The following CHLSN variants were observed in gnomAD, a reference collection of about 807,000 sequenced individuals.
CHLSN encodes the protein protein cholesin.
the CHLSN span, among the ~76,000 whole-genome samples, chr7:1,016,787 A>G: frequency 6.9e-3 from 537 of 78,106 alleles, 31 homozygotes; most frequent in Admixed American, 0.011. Context: ...AGCGCACAGC[A>G]CACAGCAGCA....
At chr7:1,011,035 C>T in the CHLSN span, among the ~76,000 whole-genome samples, 1 of 151,030 alleles carries the variant, frequency 6.6e-6, no homozygotes, top group Non-Finnish European at 1.5e-5. Context: ...GTGAGGCAAG[C>T]CCCCCTACAT....
the CHLSN span, among the ~76,000 whole-genome samples, chr7:1,027,997 G>A: frequency 6.7e-6 from 1 of 148,684 alleles, no homozygotes; most frequent in East Asian, 2.0e-4. Flanking sequence ...CCGCGGCCCG[G>A]CCCTGCGCCC....
the CHLSN span, among the ~76,000 whole-genome samples, chr7:980,383 G>C: frequency 2.0e-5 from 3 of 152,218 alleles, no homozygotes; most frequent in South Asian, 6.2e-4. Flanking sequence ...AGTTCCACTT[G>C]AGCAGCCAGG....
the CHLSN span, among the ~76,000 whole-genome samples, chr7:1,123,730 C>T: frequency 2.0e-5 from 3 of 152,144 alleles, no homozygotes; most frequent in Non-Finnish European, 2.9e-5. The surrounding 1 kb of genome is among the most constrained non-coding windows in gnomAD (Gnocchi z 4.4). Flanking sequence ...CCTGAGCCCC[C>T]ACACTCCATC....
the CHLSN span, among the ~76,000 whole-genome samples, chr7:1,016,718 GCAGCACACAGCAGCACACGC>G: frequency 9.5e-5 from 9 of 94,412 alleles, no homozygotes; most frequent in East Asian, 2.6e-4. Flanking sequence ...CCAGCGCACA[GCAGCACACAGCAGCACACGC>G]CAGCGCACAG....
At chr7:1,116,593 C>A in the CHLSN span, among the ~76,000 whole-genome samples, 4 of 88,454 alleles carry the variant, frequency 4.5e-5, no homozygotes, top group Non-Finnish European at 6.8e-5. Flanking sequence ...TTCTACGGAC[C>A]GGCTTCCATC....
chr7:1,094,817 G>A, the CHLSN span, among the ~76,000 whole-genome samples: 1 of 152,200 alleles, frequency 6.6e-6, no homozygotes. Flanking sequence ...GGTGGGGCCT[G>A]TATTCTCCAT....
At chr7:1,095,768 C>T in the CHLSN span, among the ~76,000 whole-genome samples, 3 of 152,330 alleles carry the variant, frequency 2.0e-5, no homozygotes, top group East Asian at 3.9e-4. Flanking sequence ...AATTCAGCCA[C>T]GCTCTCCTGG....
At chr7:1,136,115 CATAAAT>C in the CHLSN span, among the ~76,000 whole-genome samples, 1,569 of 74,054 alleles carry the variant, frequency 0.021, 59 homozygotes, top group East Asian at 0.16. Context: ...AATATATATA[CATAAAT>C]ATATATAAAT....
chr7:1,036,309 G>C, the CHLSN span, among the ~76,000 whole-genome samples: 4 of 151,818 alleles, frequency 2.6e-5, no homozygotes, highest in African/African-American at 9.7e-5. Context: ...TCGTGCTGTG[G>C]CCGTGCAGGG....
At chr7:1,065,158 A>G in the CHLSN span, among the ~76,000 whole-genome samples, 1 of 152,210 alleles carries the variant, frequency 6.6e-6, no homozygotes, top group Non-Finnish European at 1.5e-5. Context: ...TCCAGACCCA[A>G]GGCTGGACAG....
chr7:1,136,327 TATAA>T, the CHLSN span, among the ~76,000 whole-genome samples: 1 of 109,742 alleles, frequency 9.1e-6, no homozygotes, highest in Non-Finnish European at 1.6e-5. Context: ...AACATAAATA[TATAA>T]ATATATAAAC....
At chr7:1,091,188 G>A in the CHLSN span, among the ~76,000 whole-genome samples, 13 of 152,180 alleles carry the variant, frequency 8.5e-5, no homozygotes, top group South Asian at 2.1e-4. Context: ...CTGAGCAGCC[G>A]TGGGACCTGC....
chr7:1,008,979 A>C, the CHLSN span, among the ~76,000 whole-genome samples: 1 of 145,252 alleles, frequency 6.9e-6, no homozygotes, highest in East Asian at 2.0e-4. Flanking sequence ...GTGCACACAC[A>C]CCCATGCGAA....
the CHLSN span, among the ~76,000 whole-genome samples, chr7:1,017,366 G>A: frequency 5.3e-5 from 8 of 151,910 alleles, no homozygotes; most frequent in Non-Finnish European, 8.8e-5. Flanking sequence ...CCACCAGCCT[G>A]GCCTGCCGTG....
the CHLSN span, among the ~76,000 whole-genome samples, chr7:1,115,668 C>T: frequency 1.3e-4 from 16 of 123,230 alleles, no homozygotes; most frequent in Non-Finnish European, 2.2e-4. Flanking sequence ...GCTCTAGGAC[C>T]GGCTTCCATC....
At chr7:1,116,891 T>C in the CHLSN span, among the ~76,000 whole-genome samples, 71 of 16,590 alleles carry the variant, frequency 4.3e-3, no homozygotes, top group South Asian at 0.012. Flanking sequence ...ATCACCGACG[T>C]CCACGCAGGA....
At chr7:985,078 G>C in the CHLSN span, 1 of 1,612,342 alleles carries the variant, frequency 6.2e-7, no homozygotes, top group Non-Finnish European at 8.5e-7. Flanking sequence ...ATGCCTCTCT[G>C]GGCAGCTGGA....
chr7:1,068,467 C>T, the CHLSN span, among the ~76,000 whole-genome samples: 1 of 152,156 alleles, frequency 6.6e-6, no homozygotes, highest in Non-Finnish European at 1.5e-5. Context: ...TGTGGACACT[C>T]GCCCTCCACA....
Sources: gnomAD v4.1 joint callset for allele counts (sites outside exome capture counted in the v4.1 genomes callset) on GRCh38, gnomAD v4.1.1 for gene constraint, Gnocchi (gnomAD v3.1) non-coding constraint, MANE v1.5 for transcripts, NCBI Gene and HGNC (gene_info 2026-07-23, HGNC 2026-07-21) for gene names.